TLL1: variants seen among roughly 807,000 people sequenced by gnomAD.
TLL1 encodes the protein tolloid like 1.
A neutral mutation model predicts 128.2 loss-of-function variants in TLL1; 49 were observed. The observed-to-expected ratio is 0.38, with a 90% CI of 0.30 to 0.48. The LOEUF (loss-of-function observed/expected upper bound fraction) is 0.48, where lower values mean the gene tolerates loss of function less well. Ranked by LOEUF, TLL1 falls within the 20% of genes least tolerant of loss-of-function variation. The pLI, the probability that TLL1 is intolerant of heterozygous loss-of-function variation, is 0.96. For missense variants in TLL1, 1,123 were observed against 1,242.0 expected (o/e 0.90, Z 1.44); for synonymous variants, 454 against 418.8 (o/e 1.08, Z -1.03).
Position 166,016,814 on chromosome 4 carries a change from G to T in TLL1, c.1042+2254G>T, listed in dbSNP as rs543978207. On this transcript the variant is annotated intron_variant, in intron 8 of 20. Transcript: ENST00000061240. ...ATATAAATATACATACAGATATATA[G>T]AGAGATATATAAATATACATATATA... Among the ~76,000 whole-genome samples, 8 of 151,914 alleles carry T rather than the reference G, an allele frequency of 5.3e-5. No individual in the cohort carries two copies. The South Asian group carries it at 1.0e-3, about 20-fold the overall frequency.
chr4:166,057,324 C>T lies in TLL1; in HGVS notation c.1846+15C>T, dbSNP rs371678001. 3.1e-6 allele frequency: 5 copies of T among 1,613,402 alleles called. No individual in the cohort carries two copies. The highest frequency in any genetic ancestry group is 1.3e-5 in the African/African-American group (1 of 74,824). ...GAGCTGTGAAGGTATGACTGCACTC[C>T]TTCCTGGACCCCCACCCCCCACAAT... On this transcript the variant is annotated intron_variant, in intron 14 of 20. Transcript: ENST00000061240.
rs376661822 is a variant in TLL1, at chr4:166,003,617, G to A, written c.811+48G>A. 605 of 1,583,006 alleles carry A rather than the reference G, an allele frequency of 3.8e-4. 2 individuals carry two copies. The highest frequency in any genetic ancestry group is 1.1e-4 in the Non-Finnish European group (132 of 1,152,746). On this transcript the variant is annotated intron_variant, in intron 6 of 20. Transcript: ENST00000061240. ...GGTTTAAGGCTGACTGGGTATCTTTGAATTGTATTTATGCAGTTTATTATT... is the reference window on the plus strand; with the variant it reads ...GGTTTAAGGCTGACTGGGTATCTTTAAATTGTATTTATGCAGTTTATTATT...
chr4:166,053,996 G>C (rs1019563621), intron 12 of TLL1, among the ~76,000 whole-genome samples: 4 of 151,554 alleles, frequency 2.6e-5, no homozygotes, highest in African/African-American at 7.3e-5. Flanking sequence ...TTGTTGGTTT[G>C]TTTTCAGAAG....
chr4:166,045,631 G>A (rs1739429792), intron 12 of TLL1, among the ~76,000 whole-genome samples: 2 of 152,026 alleles, frequency 1.3e-5, no homozygotes. Flanking sequence ...CTACTGACAG[G>A]GGATTTCCAT....
chr4:165,926,187 A>G (rs1733259589), intron 1 of TLL1, among the ~76,000 whole-genome samples: 1 of 152,226 alleles, frequency 6.6e-6, no homozygotes, highest in African/African-American at 2.4e-5. Flanking sequence ...GATTTAAATG[A>G]AAGATTGAAA....
At chr4:166,082,734 A>G (rs1368065600) in intron 18 of TLL1, among the ~76,000 whole-genome samples, 2 of 151,954 alleles carry the variant, frequency 1.3e-5, no homozygotes, top group Admixed American at 6.6e-5. Flanking sequence ...CTGGAGAGCA[A>G]TGGCGCAATC....
At chr4:166,092,756 C>A (rs1245691344) in intron 19 of TLL1, among the ~76,000 whole-genome samples, 1 of 151,982 alleles carries the variant, frequency 6.6e-6, no homozygotes, top group Non-Finnish European at 1.5e-5. Context: ...TAAAAACTTA[C>A]TTTTATACTG....
In TLL1 at chr4:166,007,933, T is replaced by C; in HGVS notation, c.812-10T>C. On this transcript the variant is annotated splice_polypyrimidine_tract_variant and intron_variant, in intron 6 of 20. Coordinates refer to ENST00000061240, the MANE Select transcript of TLL1 (RefSeq NM_012464.5). ...AGGCTTCTGAGATTTTGTTTATCCC[T>C]GGTTCTTAGGTCAAGAGTACAATTT... The C allele has an allele frequency of 6.3e-7, 1 of 1,582,810 alleles. No homozygotes were observed. Among genetic ancestry groups the C allele is most frequent in the Non-Finnish European group, 8.7e-7 (1 of 1,152,542 alleles).
chr4:165,903,265 G>A (rs1396826151), intron 1 of TLL1, among the ~76,000 whole-genome samples: 1 of 152,044 alleles, frequency 6.6e-6, no homozygotes, highest in African/African-American at 2.4e-5. Flanking sequence ...TTGAACCCAG[G>A]AGGTGGAGGT....
intron 1 of TLL1, among the ~76,000 whole-genome samples, chr4:165,936,811 T>C (rs1053891577): frequency 1.6e-4 from 24 of 152,070 alleles, no homozygotes; most frequent in Non-Finnish European, 3.2e-4. Flanking sequence ...CAGGCGCCTG[T>C]AATCCCAGCT....
intron 18 of TLL1, among the ~76,000 whole-genome samples, chr4:166,079,368 A>T (rs1175394842): frequency 6.6e-6 from 1 of 152,166 alleles, no homozygotes; most frequent in African/African-American, 2.4e-5. Flanking sequence ...TATTTTGTAT[A>T]AAGTATGTGC....
intron 7 of TLL1, among the ~76,000 whole-genome samples, chr4:166,012,135 T>G (rs1737722669): frequency 6.6e-6 from 1 of 151,612 alleles, no homozygotes; most frequent in Non-Finnish European, 1.5e-5. Flanking sequence ...AGTCGTAAAA[T>G]TTTACAAATT....
intron 1 of TLL1, among the ~76,000 whole-genome samples, chr4:165,943,891 C>T (rs1021650868): frequency 6.6e-6 from 1 of 152,030 alleles, no homozygotes; most frequent in Non-Finnish European, 1.5e-5. Flanking sequence ...TTAGGTTTTC[C>T]TATTCCGCTT....
intron 10 of TLL1, 95 bp from the exon 11 acceptor site, chr4:166,041,932 A>G (rs1190640878): frequency 7.1e-6 from 6 of 840,222 alleles, no homozygotes; most frequent in Non-Finnish European, 1.2e-5. Flanking sequence ...TGTGAACCAA[A>G]TCGGTGTTTA....
intron 1 of TLL1, among the ~76,000 whole-genome samples, chr4:165,955,844 A>G (rs894787103): frequency 6.6e-6 from 1 of 152,138 alleles, no homozygotes; most frequent in African/African-American, 2.4e-5. Flanking sequence ...CCTGCCCCCA[A>G]TATTTCAATG....
chr4:165,942,759 T>C (rs73860896), intron 1 of TLL1, among the ~76,000 whole-genome samples: 3,211 of 152,078 alleles, frequency 0.021, 108 homozygotes, highest in African/African-American at 0.073. Flanking sequence ...AGATAATATA[T>C]GTTAAGCGCA....
intron 1 of TLL1, among the ~76,000 whole-genome samples, chr4:165,942,164 A>G (rs72972226): frequency 0.036 from 5,447 of 152,020 alleles, 291 homozygotes; most frequent in African/African-American, 0.12. Context: ...CTCTCCACAA[A>G]CATTATGCTC....
chr4:165,962,349 G>A (rs1405981275), intron 1 of TLL1, among the ~76,000 whole-genome samples: 1 of 152,142 alleles, frequency 6.6e-6, no homozygotes, highest in African/African-American at 2.4e-5. Flanking sequence ...CATTAGAAAT[G>A]GGAAATCAAA....
intron 16 of TLL1, among the ~76,000 whole-genome samples, chr4:166,068,949 A>G (rs1317642867): frequency 2.6e-5 from 4 of 151,838 alleles, no homozygotes; most frequent in African/African-American, 9.7e-5. Flanking sequence ...GAAAGTTGCC[A>G]TATAAAAATA....
Sources: gnomAD v4.1 joint callset for allele counts (sites outside exome capture counted in the v4.1 genomes callset) on GRCh38, gnomAD v4.1.1 for gene constraint, MANE v1.5 for transcripts, NCBI Gene and HGNC (gene_info 2026-07-23, HGNC 2026-07-21) for gene names.